Variants in DENND5A observed in about 807,000 individuals in gnomAD.
The protein encoded by DENND5A is DENN domain-containing protein 5A.
A neutral mutation model predicts 140.3 loss-of-function variants in DENND5A; 64 were observed. The observed-to-expected ratio is 0.46, with a 90% confidence interval of 0.37 to 0.56. DENND5A has a LOEUF of 0.56. Ranked by LOEUF, DENND5A falls within the 20% of genes least tolerant of loss-of-function variation. DENND5A has a pLI of 0.00. For missense variants in DENND5A, 1,292 were observed against 1,593.8 expected (o/e 0.81, Z 3.22); for synonymous variants, 605 against 607.7 (o/e 1.00, Z 0.07).
At chr11:9,245,697 G>A (rs1158257272) in intron 1 of DENND5A, among the ~76,000 whole-genome samples, 4 of 151,322 alleles carry the variant, frequency 2.6e-5, no homozygotes, top group East Asian at 2.0e-4. Context: ...GCAGTGGCAC[G>A]ATCTTGGCTC....
Position 9,142,851 on chromosome 11 carries a change from T to C in DENND5A, c.3388-6A>G. ...AACAGCGTCAGACTGCCTCGCTACG[T>C]AAGGAAACAGGGGAGGGTGCCAGGC... On this transcript the variant is annotated splice_polypyrimidine_tract_variant and splice_region_variant and intron_variant, in intron 20 of 22. Coordinates refer to ENST00000328194, the MANE Select transcript of DENND5A (RefSeq NM_015213.4). The C allele has an allele frequency of 6.2e-7, 1 of 1,613,804 alleles. No individual in the cohort carries two copies. Among genetic ancestry groups the C allele is most frequent in the Non-Finnish European group, 8.5e-7 (1 of 1,179,874 alleles).
chr11:9,252,295 CAAAA>C (rs11422899), intron 1 of DENND5A, among the ~76,000 whole-genome samples: 2 of 69,042 alleles, frequency 2.9e-5, no homozygotes, highest in Non-Finnish European at 2.7e-5. Context: ...GACTCCGTCT[CAAAA>C]AAAAAAAAAA....
At chr11:9,163,278 A>G (rs1446393557) in intron 11 of DENND5A, among the ~76,000 whole-genome samples, 2 of 152,212 alleles carry the variant, frequency 1.3e-5, no homozygotes, top group Non-Finnish European at 2.9e-5. Flanking sequence ...TTACTAAACA[A>G]TACTATGCTG....
chr11:9,156,787 G>A lies in DENND5A; in HGVS notation c.2436+3926C>T, dbSNP rs1163654327. ...ACTGCACTCCAGGCTGTGTGACAGA[G>A]CGAGACTCTCGAAGGAAAGAGAGAA... On this transcript the variant is annotated intron_variant, in intron 12 of 22. Coordinates refer to ENST00000328194, the MANE Select transcript of DENND5A (RefSeq NM_015213.4). 2.0e-5 allele frequency among the ~76,000 whole-genome samples: 3 copies of A among 151,542 alleles called. No homozygotes were observed. The East Asian group carries it at 5.8e-4, about 29-fold the overall frequency.
At chr11:9,196,592 T>C (rs899747277) in intron 4 of DENND5A, among the ~76,000 whole-genome samples, 1 of 152,102 alleles carries the variant, frequency 6.6e-6, no homozygotes, top group Admixed American at 6.6e-5. Flanking sequence ...GAAATGCCTT[T>C]TTTCAAATTT....
chr11:9,159,271 G>C (rs376342499), intron 12 of DENND5A, among the ~76,000 whole-genome samples: 5 of 151,496 alleles, frequency 3.3e-5, no homozygotes, highest in South Asian at 2.1e-4. Context: ...GGTCATAATA[G>C]CCACATAAGA....
intron 1 of DENND5A, among the ~76,000 whole-genome samples, chr11:9,212,177 G>A (rs1317744553): frequency 1.3e-5 from 2 of 152,048 alleles, no homozygotes; most frequent in African/African-American, 4.8e-5. Flanking sequence ...CTTGAGGCCA[G>A]GAGTTCAAGA....
chr11:9,184,325 C>A (rs113990507), intron 5 of DENND5A, among the ~76,000 whole-genome samples: 2 of 151,882 alleles, frequency 1.3e-5, no homozygotes, highest in Non-Finnish European at 2.9e-5. Flanking sequence ...TGCACTCCAG[C>A]CTGGGCGACA....
Position 9,219,658 on chromosome 11 carries a change from C to T in DENND5A, c.110-12026G>A, listed in dbSNP as rs577732621. The stretch of plus-strand genomic sequence containing the variant: ...ACTCCAAGATAAGGTGAGGGGACAT[C>T]CCAAGATTTTAGTGCAATAGGCCTG... On this transcript the variant is annotated intron_variant, in intron 1 of 22. Transcript: ENST00000328194. Among the ~76,000 whole-genome samples the T allele has an allele frequency of 2.6e-5, 4 of 152,310 alleles. No individual in the cohort carries two copies. The South Asian group carries it at 6.2e-4, about 24-fold the overall frequency.
intron 1 of DENND5A, 88 bp downstream of exon 1, chr11:9,264,873 G>A (rs1852373792): frequency 4.0e-6 from 5 of 1,238,970 alleles, no homozygotes; most frequent in Admixed American, 4.4e-5. Context: ...CCGGCTCCCG[G>A]GACAAAGCGG....
intron 1 of DENND5A, among the ~76,000 whole-genome samples, chr11:9,245,663 T>G (rs1341815530): frequency 6.6e-6 from 1 of 151,942 alleles, no homozygotes; most frequent in African/African-American, 2.4e-5. Context: ...AGAGGGAGTC[T>G]CACTCTGTCC....
chr11:9,171,701 A>AT (rs572389094), intron 8 of DENND5A: 1 of 151,984 alleles, frequency 6.6e-6, no homozygotes, highest in African/African-American at 2.4e-5. Context: ...TCTCTTCAAA[A>AT]AAAAAAAAAA....
intron 10 of DENND5A, among the ~76,000 whole-genome samples, chr11:9,169,595 T>C (rs1848304954): frequency 1.3e-5 from 2 of 151,972 alleles, no homozygotes; most frequent in Admixed American, 1.3e-4. Flanking sequence ...AGGTTCCTAT[T>C]GAACTCCTCA....
At chr11:9,181,508 C>T (rs966456935) in intron 5 of DENND5A, among the ~76,000 whole-genome samples, 34 of 151,870 alleles carry the variant, frequency 2.2e-4, no homozygotes, top group African/African-American at 7.5e-4. Flanking sequence ...CTGAGATGGG[C>T]GGATCACTTG....
chr11:9,140,911 G>T (rs2136108439), intron 22 of DENND5A, among the ~76,000 whole-genome samples: 1 of 152,286 alleles, frequency 6.6e-6, no homozygotes, highest in Admixed American at 6.5e-5. Context: ...CAGATCACCT[G>T]AGGTCAGGAG....
intron 5 of DENND5A, among the ~76,000 whole-genome samples, chr11:9,187,190 T>A: frequency 6.6e-6 from 1 of 152,236 alleles, no homozygotes; most frequent in East Asian, 1.9e-4. Flanking sequence ...AATAGCCTCA[T>A]GCTGTTTCCT....
chr11:9,164,815 G>A (rs1331243808), intron 11 of DENND5A, among the ~76,000 whole-genome samples: 1 of 152,128 alleles, frequency 6.6e-6, no homozygotes, highest in Admixed American at 6.5e-5. Context: ...TTAGAGTGAA[G>A]ACTAGTCTGA....
chr11:9,179,850 A>G (rs1344019737), intron 6 of DENND5A, among the ~76,000 whole-genome samples: 5 of 152,176 alleles, frequency 3.3e-5, no homozygotes, highest in Non-Finnish European at 5.9e-5. Context: ...TTAACTGCCC[A>G]TGATTTTTGA....
At position 9,180,799 on chromosome 11, in the gene DENND5A, A is replaced by C; in HGVS notation, c.1423T>G (p.Leu475Val). The change falls in exon 6 of 23, where the codon TTG (leucine) becomes GTG (valine). Residue 475 changes from leucine (L) to valine (V), a missense_variant. Leu to Val is a conservative substitution (Grantham distance 32). Coordinates refer to ENST00000328194, the MANE Select transcript of DENND5A (RefSeq NM_015213.4). ...AGGCTCACCCCAGTTCTCTTGACCA[A>C]GGCTTGCAGCCGGGCAATAGTTTCA... Reference protein sequence around the residue: ...ENETIARLQALVKRTGVSLEK... With the variant: ...ENETIARLQAVVKRTGVSLEK... 3 of 1,614,190 alleles carry C rather than the reference A, an allele frequency of 1.9e-6. No individual in the cohort carries two copies. The highest frequency in any genetic ancestry group is 1.7e-6 in the Non-Finnish European group (2 of 1,180,024).
Sources: gnomAD v4.1 joint callset for allele counts (sites outside exome capture counted in the v4.1 genomes callset) on GRCh38, gnomAD v4.1.1 for gene constraint, MANE v1.5 for transcripts, NCBI Gene and HGNC (gene_info 2026-07-23, HGNC 2026-07-21) for gene names.